NBPF12: variants seen among roughly 807,000 people sequenced by gnomAD.
The protein encoded by NBPF12 is NBPF member 12, also known as NBPF family member NBPF12.
A neutral mutation model predicts 146.4 loss-of-function variants in NBPF12; 115 were observed. The ratio of observed to expected loss-of-function variants is 0.79; its 90% CI spans 0.68 to 0.92. The LOEUF (loss-of-function observed/expected upper bound fraction) is 0.92, where lower values mean the gene tolerates loss of function less well. Ranked by LOEUF, NBPF12 falls within the 40% of genes least tolerant of loss-of-function variation. NBPF12 has a pLI of 0.00. For synonymous variants in NBPF12, 385 were observed against 508.9 expected (o/e 0.76, Z 3.28); for missense variants, 1,205 against 1,326.8 (o/e 0.91, Z 1.43).
At chr1:146,965,811 A>AAAAAAG (rs1656162912) in intron 8 of NBPF12, among the ~76,000 whole-genome samples, 3 of 144,760 alleles carry the variant, frequency 2.1e-5, no homozygotes, top group Non-Finnish European at 4.6e-5. Context: ...AAAAAAAAAA[A>AAAAAAG]AAAAAAAAAG....
At chr1:146,952,540 A>T (rs1219594184) in intron 2 of NBPF12, among the ~76,000 whole-genome samples, 2 of 150,870 alleles carry the variant, frequency 1.3e-5, no homozygotes, top group Non-Finnish European at 2.9e-5. Context: ...CTCCTGGTTG[A>T]GTGCTTTATG....
chr1:146,994,519 T>C lies in NBPF12; in HGVS notation c.4318T>C (p.Leu1440=). The C allele has an allele frequency of 1.9e-6, 3 of 1,609,644 alleles. No individual in the cohort carries two copies. The South Asian group carries it at 3.3e-5, about 18-fold the overall frequency. The stretch of plus-strand genomic sequence containing the variant: ...TGACATGGACAATAGCTTTTTTACT[T>C]TGACGGTGACAAGTCTCCACCTGGT... Residue 1440 remains leucine (L), a synonymous_variant, in exon 34 of 34, where the codon TTG becomes CTG. Transcript: ENST00000617844.
chr1:146,986,088 T>C (rs1657738841), intron 23 of NBPF12, among the ~76,000 whole-genome samples: 2 of 152,004 alleles, frequency 1.3e-5, no homozygotes, highest in South Asian at 2.1e-4. Flanking sequence ...GAGTGTCCTT[T>C]GACCCCTTCA....
intron 2 of NBPF12, 138 bp downstream of exon 2, chr1:146,943,700 A>G: frequency 1.8e-6 from 1 of 562,262 alleles, no homozygotes; most frequent in Non-Finnish European, 2.4e-6. Flanking sequence ...TTAAATAAAT[A>G]TTTGTTAAAT....
At chr1:146,992,460 CTCTGTGTGTGTGTGTGTGTGTG>C (rs1658243141) in intron 31 of NBPF12, among the ~76,000 whole-genome samples, 9 of 88,926 alleles carry the variant, frequency 1.0e-4, no homozygotes, top group Admixed American at 9.5e-4. Context: ...CTCTCTCTCT[CTCTGTGTGTGTGTGTGTGTGTG>C]TGTGTGTGTG....
exon 6 of NBPF12, chr1:146,963,260 G>A: frequency 6.2e-7 from 1 of 1,611,932 alleles, no homozygotes; most frequent in Non-Finnish European, 8.5e-7. Flanking sequence ...AAGAACAGCT[G>A]GCTGAGGGGT....
In NBPF12 at chr1:146,971,370, C is replaced by T. The variant is rs1553886432; in HGVS notation, c.1567C>T (p.Gln523Ter). 9 of 1,611,248 alleles carry T rather than the reference C, an allele frequency of 5.6e-6. No homozygotes were observed. Among genetic ancestry groups the T allele is most frequent in the African/African-American group, 1.4e-5 (1 of 73,508 alleles). The stretch of plus-strand genomic sequence containing the variant: ...CAGAGAATCCTCTCATGATGAATGT[C>T]AGGATGCTCTAAACATTCTCCCAGG... The change falls in exon 13 of 34, where the codon CAG (glutamine) becomes TAG (stop). Residue 523 changes from glutamine (Q) to a stop codon, truncating the protein, a stop_gained. Transcript: ENST00000617844. LOFTEE classifies it high-confidence loss of function.
In NBPF12 at chr1:146,966,712, A is replaced by G. The variant is rs1553885714; in HGVS notation, c.988+39A>G. ...GCTCACCATCACGAAAGTGATGAAC[A>G]ACGTCCTGTCTTCTCTCTGAGAAAC... On this transcript the variant is annotated intron_variant, in intron 9 of 33. Coordinates refer to ENST00000617844, the Ensembl canonical transcript of NBPF12. 4.4e-3 allele frequency: 4,862 copies of G among 1,106,798 alleles called. 228 individuals are homozygous for G. The African/African-American group carries it at 0.064, about 15-fold the overall frequency. The allele number at this position is 1,106,798 out of a possible 1,614,324, so 68.6% of individuals were successfully genotyped here. A position where few individuals can be genotyped will look rare whatever the true frequency, so the allele number is the denominator to read the frequency against.
chr1:146,961,607 TATTTCCTTCA>T (rs1338680968), intron 4 of NBPF12, among the ~76,000 whole-genome samples: 1,767 of 151,478 alleles, frequency 0.012, 37 homozygotes, highest in African/African-American at 0.042. Flanking sequence ...TATTTGGGCA[TATTTCCTTCA>T]TGGCCTTATT....
chr1:146,981,295 A>G (rs1364185317), intron 19 of NBPF12, among the ~76,000 whole-genome samples: 6 of 78,114 alleles, frequency 7.7e-5, no homozygotes, highest in African/African-American at 1.5e-4. Context: ...AAAAAAAAAA[A>G]TATATATATA....
intron 13 of NBPF12, among the ~76,000 whole-genome samples, 185 bp from the exon 17 acceptor site, chr1:146,972,566 T>C (rs1656721423): frequency 6.6e-6 from 1 of 151,514 alleles, no homozygotes; most frequent in African/African-American, 2.4e-5. Context: ...GGTTTCAAGG[T>C]GACTGCATAG....
chr1:146,940,481 G>A (rs1443127077), intron 1 of NBPF12, among the ~76,000 whole-genome samples: 100 of 150,766 alleles, frequency 6.6e-4, no homozygotes, highest in African/African-American at 2.2e-3. Context: ...AACAGAGCCC[G>A]GGAGGTTGAG....
At chr1:146,990,097 C>T (rs1378739403) in intron 28 of NBPF12, among the ~76,000 whole-genome samples, 1 of 99,020 alleles carries the variant, frequency 1.0e-5, no homozygotes, top group Admixed American at 1.4e-4. Context: ...CTAAAATCCT[C>T]GCTACCATGA....
chr1:146,966,167 G>T (rs1295591507), intron 8 of NBPF12, among the ~76,000 whole-genome samples: 2 of 151,964 alleles, frequency 1.3e-5, no homozygotes, highest in Non-Finnish European at 2.9e-5. Context: ...AATCTTTTGT[G>T]CTACACAGAA....
At chr1:146,972,158 G>A (rs1286928857) in intron 13 of NBPF12, among the ~76,000 whole-genome samples, 1 of 150,566 alleles carries the variant, frequency 6.6e-6, no homozygotes, top group Non-Finnish European at 1.5e-5. Flanking sequence ...ACTTTGGGAG[G>A]CGGAGGTAGG....
At chr1:146,971,073 T>C (rs1656580446) in intron 12 of NBPF12, 110 bp from the exon 16 acceptor site, 35 of 1,573,178 alleles carry the variant, frequency 2.2e-5, no homozygotes, top group Non-Finnish European at 2.7e-5. Context: ...TCCATTTTGC[T>C]TTCTGGGACC....
At chr1:146,939,971 C>G (rs1447040411) in intron 1 of NBPF12, among the ~76,000 whole-genome samples, 1 of 115,910 alleles carries the variant, frequency 8.6e-6, no homozygotes, top group African/African-American at 3.4e-5. Flanking sequence ...GGTGACAGAG[C>G]GAGACTCCCT....
chr1:146,994,266 A>G, intron 33 of NBPF12, 66 bp from the exon 37 acceptor site: 1 of 1,610,834 alleles, frequency 6.2e-7, no homozygotes, highest in South Asian at 1.1e-5. Context: ...TACTTCTGAA[A>G]TCTAGTGAGG....
intron 13 of NBPF12, among the ~76,000 whole-genome samples, 199 bp downstream of exon 16, chr1:146,971,593 C>A (rs1453920035): frequency 1.4e-5 from 2 of 146,040 alleles, no homozygotes; most frequent in South Asian, 4.4e-4. Flanking sequence ...AGTTGAAGAC[C>A]AGCCTGGAGT....
Sources: allele counts gnomAD v4.1 joint callset (sites outside exome capture counted in the v4.1 genomes callset), GRCh38; gene constraint gnomAD v4.1.1; transcripts MANE v1.5; gene names NCBI Gene and HGNC (gene_info 2026-07-23, HGNC 2026-07-21).